DOK6: variants seen among roughly 807,000 people sequenced by gnomAD.
The protein encoded by DOK6 is downstream of tyrosine kinase 6.
A neutral mutation model predicts 44.0 loss-of-function variants in DOK6; 22 were observed. The observed-to-expected ratio is 0.50, with a 90% CI of 0.36 to 0.71. The LOEUF (loss-of-function observed/expected upper bound fraction) is 0.71. Among genes scored for constraint, DOK6 ranks in the 30% least tolerant of loss-of-function variants. The pLI, the probability that DOK6 is intolerant of heterozygous loss-of-function variation, is 0.00. For missense variants in DOK6, 340 were observed against 416.4 expected (o/e 0.82, Z 1.60); for synonymous variants, 166 against 145.5 (o/e 1.14, Z -1.01).
At chr18:69,703,052 GAA>G (rs34835875) in intron 5 of DOK6, among the ~76,000 whole-genome samples, 42 of 149,782 alleles carry the variant, frequency 2.8e-4, no homozygotes, top group Admixed American at 1.1e-3. Flanking sequence ...CTCCGAGGGG[GAA>G]AAAAAAAAAG....
At chr18:69,435,153 G>C (rs528603751) in intron 1 of DOK6, among the ~76,000 whole-genome samples, 2 of 152,176 alleles carry the variant, frequency 1.3e-5, no homozygotes, top group African/African-American at 4.8e-5. Context: ...TTGCAGCTGC[G>C]GTCTTAGCCT....
intron 2 of DOK6, among the ~76,000 whole-genome samples, chr18:69,588,969 A>C (rs953458993): frequency 6.6e-6 from 1 of 152,118 alleles, no homozygotes; most frequent in Non-Finnish European, 1.5e-5. Flanking sequence ...TGTCTGTCAC[A>C]GGTAGCTTTA....
intron 1 of DOK6, among the ~76,000 whole-genome samples, chr18:69,425,203 A>G (rs1236168498): frequency 6.6e-6 from 1 of 152,106 alleles, no homozygotes; most frequent in Non-Finnish European, 1.5e-5. Context: ...GCATTGTATC[A>G]TTATGTAAAT....
At chr18:69,683,057 G>A (rs1269567227) in intron 4 of DOK6, among the ~76,000 whole-genome samples, 2 of 151,918 alleles carry the variant, frequency 1.3e-5, no homozygotes, top group African/African-American at 2.4e-5. Context: ...AAGGATCTGG[G>A]GTAAACCATA....
chr18:69,773,385 G>A (rs1411843291), intron 7 of DOK6, among the ~76,000 whole-genome samples: 1 of 151,904 alleles, frequency 6.6e-6, no homozygotes, highest in Admixed American at 6.6e-5. Flanking sequence ...AGCGATATTA[G>A]CACTTTCATG....
chr18:69,584,409 C>T (rs1039509984), intron 2 of DOK6, among the ~76,000 whole-genome samples: 11 of 152,160 alleles, frequency 7.2e-5, no homozygotes, highest in Non-Finnish European at 1.0e-4. Context: ...TCTCCTGCCT[C>T]AGCCACTCGA....
intron 1 of DOK6, among the ~76,000 whole-genome samples, chr18:69,467,253 A>C (rs1979955166): frequency 6.6e-6 from 1 of 152,180 alleles, no homozygotes; most frequent in African/African-American, 2.4e-5. Context: ...TTTGGCAAAT[A>C]CAGTACTTCC....
intron 7 of DOK6, among the ~76,000 whole-genome samples, chr18:69,823,649 G>T (rs1981643604): frequency 6.6e-6 from 1 of 151,658 alleles, no homozygotes; most frequent in Non-Finnish European, 1.5e-5. Context: ...GTGTGTGTGT[G>T]TGTGTGTGTA....
intron 2 of DOK6, among the ~76,000 whole-genome samples, chr18:69,594,435 A>G (rs1396567467): frequency 1.3e-5 from 2 of 152,026 alleles, no homozygotes; most frequent in Non-Finnish European, 2.9e-5. Flanking sequence ...TGAGATAATT[A>G]CAAATAGGGA....
intron 5 of DOK6, among the ~76,000 whole-genome samples, chr18:69,701,931 C>T (rs1986529127): frequency 6.6e-6 from 1 of 151,912 alleles, no homozygotes; most frequent in Admixed American, 6.6e-5. Flanking sequence ...AATCTTTTCT[C>T]TAATGCATAA....
At chr18:69,678,317 A>G (rs1186325309) in intron 4 of DOK6, among the ~76,000 whole-genome samples, 1 of 152,200 alleles carries the variant, frequency 6.6e-6, no homozygotes, top group African/African-American at 2.4e-5. Flanking sequence ...TGGTGTAACA[A>G]CTGGAGAAAA....
intron 7 of DOK6, among the ~76,000 whole-genome samples, chr18:69,764,683 A>G (rs1362110323): frequency 6.6e-6 from 1 of 152,206 alleles, no homozygotes; most frequent in Non-Finnish European, 1.5e-5. Flanking sequence ...CAGGTGTTTC[A>G]TAATAGCAGC....
In DOK6 at chr18:69,589,494, C is replaced by T. The variant is rs905667924; in HGVS notation, c.175-9890C>T. Among the ~76,000 whole-genome samples, 22 of 151,972 alleles carry T rather than the reference C, an allele frequency of 1.4e-4. 1 individual carries two copies. The highest frequency in any genetic ancestry group is 4.6e-4 in the Admixed American group (7 of 15,252). ...TGAAAAAATCTAGAAAGTAATTTCA[C>T]TTTTCAAAAGATAGGTTTAAAGAAA... On this transcript the variant is annotated intron_variant, in intron 2 of 7. Transcript: ENST00000382713.
At chr18:69,605,088 G>GTGTA (rs1454947231) in intron 3 of DOK6, among the ~76,000 whole-genome samples, 6 of 130,942 alleles carry the variant, frequency 4.6e-5, no homozygotes, top group African/African-American at 1.6e-4. Context: ...GTGTGTGTGT[G>GTGTA]TGTGTGTGTG....
intron 3 of DOK6, among the ~76,000 whole-genome samples, chr18:69,657,101 C>A (rs776217341): frequency 5.3e-5 from 8 of 152,162 alleles, no homozygotes; most frequent in Non-Finnish European, 1.2e-4. Flanking sequence ...TCTAAGATAT[C>A]TCCAATTGAA....
At chr18:69,443,516 T>A (rs185403745) in intron 1 of DOK6, among the ~76,000 whole-genome samples, 2 of 152,168 alleles carry the variant, frequency 1.3e-5, no homozygotes, top group African/African-American at 4.8e-5. Context: ...TGAACCCATA[T>A]CTTTTTCTTG....
intron 1 of DOK6, chr18:69,471,577 G>GTTTT (rs373508332): frequency 2.1e-5 from 3 of 139,876 alleles, no homozygotes; most frequent in African/African-American, 7.6e-5. Context: ...ATTTATGAGG[G>GTTTT]TTTTTTTGTT....
Position 69,627,479 on chromosome 18 carries a change from C to T in DOK6, c.289+27981C>T, listed in dbSNP as rs145543575. On this transcript the variant is annotated intron_variant, in intron 3 of 7. Transcript: ENST00000382713. ...ATTTATTTATTTTGTGACGGAGTCTCGCTTTGTCCCCCAGGCTGGAGGGCA... is the reference window on the plus strand; with the variant it reads ...ATTTATTTATTTTGTGACGGAGTCTTGCTTTGTCCCCCAGGCTGGAGGGCA... 3.4e-3 allele frequency among the ~76,000 whole-genome samples: 511 copies of T among 152,122 alleles called. 2 individuals are homozygous for T. Among genetic ancestry groups the T allele is most frequent in the Middle Eastern group, 0.014 (4 of 294 alleles).
intron 3 of DOK6, among the ~76,000 whole-genome samples, chr18:69,653,043 G>A (rs994411232): frequency 1.3e-5 from 2 of 152,156 alleles, no homozygotes; most frequent in East Asian, 1.9e-4. Flanking sequence ...CAACACTCTC[G>A]TTAAAAACAT....
Sources: allele counts gnomAD v4.1 joint callset (sites outside exome capture counted in the v4.1 genomes callset), GRCh38; gene constraint gnomAD v4.1.1; transcripts MANE v1.5; gene names NCBI Gene and HGNC (gene_info 2026-07-23, HGNC 2026-07-21).